The following SLC24A3 variants were observed in gnomAD, a reference collection of about 807,000 sequenced individuals.
The protein encoded by SLC24A3 is sodium/potassium/calcium exchanger 3.
In SLC24A3, 28 loss-of-function variants were observed where a neutral mutation model predicts 75.8. The ratio of observed to expected loss-of-function variants is 0.37; its 90% CI spans 0.27 to 0.51. SLC24A3 has a LOEUF of 0.51. Among genes scored for constraint, SLC24A3 ranks in the 20% least tolerant of loss-of-function variants. The pLI is 0.94. For synonymous variants in SLC24A3, 372 were observed against 334.1 expected, an observed-to-expected ratio of 1.11 and a Z score of -1.24; for missense variants, 663 against 847.8, an observed-to-expected ratio of 0.78 and a Z score of 2.71.
intron 15 of SLC24A3, among the ~76,000 whole-genome samples, chr20:19,710,033 T>C (rs1301316685): frequency 6.6e-6 from 1 of 152,222 alleles, no homozygotes; most frequent in Non-Finnish European, 1.5e-5. Context: ...CCAGTGATAT[T>C]TTACAATGTA....
intron 6 of SLC24A3, among the ~76,000 whole-genome samples, chr20:19,650,558 A>C (rs2032189587): frequency 6.6e-6 from 1 of 152,164 alleles, no homozygotes; most frequent in South Asian, 2.1e-4. Context: ...TGCTTAGATG[A>C]CAGCTACTTG....
chr20:19,711,300 C>CAT (rs3059487), intron 15 of SLC24A3, among the ~76,000 whole-genome samples: 126,463 of 150,752 alleles, frequency 0.84, 53,303 homozygotes, highest in East Asian at 0.96. Flanking sequence ...CACGCACACA[C>CAT]ATGCACACAT....
intron 2 of SLC24A3, among the ~76,000 whole-genome samples, chr20:19,404,267 T>C (rs946724634): frequency 6.6e-6 from 1 of 152,218 alleles, no homozygotes; most frequent in Admixed American, 6.5e-5. Flanking sequence ...CTGGTGGAGC[T>C]AAATTTTTGT....
At chr20:19,685,749 G>A (rs78810614) in intron 12 of SLC24A3, among the ~76,000 whole-genome samples, 3,185 of 152,220 alleles carry the variant, frequency 0.021, 115 homozygotes, top group African/African-American at 0.073. Context: ...AATCCATCTC[G>A]CTGACCAACT....
At chr20:19,433,767 T>G (rs1987147072) in intron 2 of SLC24A3, among the ~76,000 whole-genome samples, 2 of 152,302 alleles carry the variant, frequency 1.3e-5, no homozygotes, top group Middle Eastern at 3.4e-3. Flanking sequence ...CAAGGGGAAG[T>G]AGGACTGATT....
chr20:19,577,703 T>C (rs2031160772), intron 3 of SLC24A3, among the ~76,000 whole-genome samples: 1 of 152,192 alleles, frequency 6.6e-6, no homozygotes, highest in Admixed American at 6.5e-5. Context: ...TATACATAGA[T>C]TATTTAATAA....
rs1427657655 is a variant in SLC24A3 at position 19,722,534 on chromosome 20, G to A, written c.*1394G>A. On this transcript the variant is annotated 3_prime_UTR_variant, in exon 17 of 17. Transcript: ENST00000328041. ...ATGCAGACTAATTCCACCCAGTTGA[G>A]ACACACCATGCTTGTTCACTTGTAT... 6.6e-6 allele frequency: 1 copy of A among 152,666 alleles called. No homozygotes were observed. The highest frequency in any genetic ancestry group is 2.4e-5 in the African/African-American group (1 of 41,456). The allele number at this position is 152,666 out of a possible 1,614,324, so 9.5% of individuals were successfully genotyped here. A position where few individuals can be genotyped will look rare whatever the true frequency, so the allele number is the denominator to read the frequency against.
At chr20:19,707,229 C>G (rs1261391423) in intron 15 of SLC24A3, among the ~76,000 whole-genome samples, 2 of 152,158 alleles carry the variant, frequency 1.3e-5, no homozygotes, top group Non-Finnish European at 2.9e-5. Context: ...CAGAAAAATG[C>G]ATCCACCCAC....
chr20:19,225,627 A>G lies in SLC24A3; in HGVS notation c.142+12643A>G, dbSNP rs1166378428. Among the ~76,000 whole-genome samples, 3 of 151,976 alleles carry G rather than the reference A, an allele frequency of 2.0e-5. No homozygotes were observed. The East Asian group carries it at 5.8e-4, about 29-fold the overall frequency. ...ACCCTTCTTCCATCTCTGAACCCTGATGTGTTTTCTGTTACTATAGTTTTG... is the reference window on the plus strand; with the variant it reads ...ACCCTTCTTCCATCTCTGAACCCTGGTGTGTTTTCTGTTACTATAGTTTTG... On this transcript the variant is annotated intron_variant, in intron 1 of 16. Coordinates refer to ENST00000328041, the MANE Select transcript of SLC24A3 (RefSeq NM_020689.4).
chr20:19,478,620 C>T (rs1568629517), intron 2 of SLC24A3, among the ~76,000 whole-genome samples: 1 of 152,158 alleles, frequency 6.6e-6, no homozygotes, highest in African/African-American at 2.4e-5. Flanking sequence ...TTCTCAGCCC[C>T]TTTTGGGGGA....
intron 2 of SLC24A3, among the ~76,000 whole-genome samples, chr20:19,379,770 G>C (rs1986150774): frequency 6.6e-6 from 1 of 152,116 alleles, no homozygotes. Context: ...ACCATTATCT[G>C]ATTTTCCCCC....
At chr20:19,600,070 G>T (rs944305430) in intron 6 of SLC24A3, among the ~76,000 whole-genome samples, 2 of 152,148 alleles carry the variant, frequency 1.3e-5, no homozygotes, top group African/African-American at 4.8e-5. Context: ...GGCCCGTGGG[G>T]GTCATTCTGA....
At chr20:19,215,257 C>A (rs1175348946) in intron 1 of SLC24A3, among the ~76,000 whole-genome samples, 1 of 152,166 alleles carries the variant, frequency 6.6e-6, no homozygotes, top group African/African-American at 2.4e-5. Flanking sequence ...GGTACAGATA[C>A]TGAAGTTTGG....
At chr20:19,544,476 A>C (rs543874018) in intron 3 of SLC24A3, among the ~76,000 whole-genome samples, 3 of 152,198 alleles carry the variant, frequency 2.0e-5, no homozygotes, top group Admixed American at 1.3e-4. Flanking sequence ...GTAACGTGAA[A>C]TTCTAGCGCT....
At chr20:19,396,149 C>T (rs568525729) in intron 2 of SLC24A3, among the ~76,000 whole-genome samples, 1 of 152,300 alleles carries the variant, frequency 6.6e-6, no homozygotes, top group African/African-American at 2.4e-5. Context: ...GTTTAAATTT[C>T]TAATGGGTAT....
chr20:19,253,523 G>T (rs1382555569), intron 1 of SLC24A3, among the ~76,000 whole-genome samples: 2 of 152,182 alleles, frequency 1.3e-5, no homozygotes, highest in Non-Finnish European at 2.9e-5. Flanking sequence ...TTTCCTGGTT[G>T]TTAATTTTGA....
intron 2 of SLC24A3, among the ~76,000 whole-genome samples, chr20:19,493,683 G>A (rs376742072): frequency 7.9e-5 from 12 of 152,176 alleles, no homozygotes; most frequent in African/African-American, 2.9e-4. Flanking sequence ...ATCATAAAAT[G>A]GGATCACTGG....
At chr20:19,719,632 A>G (rs1363872924) in intron 16 of SLC24A3, among the ~76,000 whole-genome samples, 1 of 152,100 alleles carries the variant, frequency 6.6e-6, no homozygotes. Context: ...GAAGGATGAG[A>G]TGCCTGCTGA....
intron 6 of SLC24A3, among the ~76,000 whole-genome samples, chr20:19,625,814 C>T (rs1232436579): frequency 6.6e-6 from 1 of 152,194 alleles, no homozygotes; most frequent in East Asian, 1.9e-4. Flanking sequence ...TAATAACTCC[C>T]TAAATATATA....
Sources: gnomAD v4.1 joint callset for allele counts (sites outside exome capture counted in the v4.1 genomes callset) on GRCh38, gnomAD v4.1.1 for gene constraint, MANE v1.5 for transcripts, NCBI Gene and HGNC (gene_info 2026-07-23, HGNC 2026-07-21) for gene names.